The following SOBP variants were observed in gnomAD, a reference collection of about 807,000 sequenced individuals.
SOBP encodes the protein sine oculis-binding protein homolog.
Under a neutral mutation model 53.6 loss-of-function variants are expected in SOBP, and 4 were observed. The ratio of observed to expected loss-of-function variants is 0.07; its 90% CI spans 0.04 to 0.17. SOBP has a LOEUF of 0.17. Ranked by LOEUF, SOBP falls within the 10% of genes least tolerant of loss-of-function variation. The pLI is 1.00. For missense variants in SOBP, 1,088 were observed against 1,204.7 expected (o/e 0.90, Z 1.43); for synonymous variants, 584 against 522.6 (o/e 1.12, Z -1.60).
At chr6:107,612,604 G>A (rs1254871295) in intron 5 of SOBP, among the ~76,000 whole-genome samples, 1 of 152,104 alleles carries the variant, frequency 6.6e-6, no homozygotes, top group African/African-American at 2.4e-5. Context: ...TAATGTTGTA[G>A]TTATATATAT....
chr6:107,576,708 G>A (rs1394630903), intron 4 of SOBP, among the ~76,000 whole-genome samples: 1 of 152,210 alleles, frequency 6.6e-6, no homozygotes, highest in Non-Finnish European at 1.5e-5. Context: ...GAATGGCTTT[G>A]AAGCATCTGC....
At chr6:107,602,780 A>G (rs1242313548) in intron 5 of SOBP, among the ~76,000 whole-genome samples, 1 of 152,202 alleles carries the variant, frequency 6.6e-6, no homozygotes, top group Non-Finnish European at 1.5e-5. Flanking sequence ...GAGACATTCT[A>G]AATGCCTAAA....
At chr6:107,537,984 A>G (rs968410991) in intron 4 of SOBP, among the ~76,000 whole-genome samples, 1 of 152,220 alleles carries the variant, frequency 6.6e-6, no homozygotes, top group African/African-American at 2.4e-5. Flanking sequence ...AAATGATGCC[A>G]TTAAGATTTC....
chr6:107,520,400 T>C (rs957831485), intron 3 of SOBP, among the ~76,000 whole-genome samples: 1 of 152,196 alleles, frequency 6.6e-6, no homozygotes, highest in Non-Finnish European at 1.5e-5. Context: ...TTAAATGATC[T>C]TCTCAAGGTC....
intron 3 of SOBP, among the ~76,000 whole-genome samples, chr6:107,506,990 T>C (rs1464417458): frequency 6.6e-6 from 1 of 151,070 alleles, no homozygotes; most frequent in Non-Finnish European, 1.5e-5. Flanking sequence ...CACTTGAACC[T>C]GGGAGGCAGA....
At chr6:107,519,809 G>T (rs1470404882) in intron 3 of SOBP, among the ~76,000 whole-genome samples, 2 of 152,044 alleles carry the variant, frequency 1.3e-5, no homozygotes. Flanking sequence ...GGCTCTTTCT[G>T]CTCCCTAGGT....
At chr6:107,507,202 T>G (rs1284275687) in intron 3 of SOBP, among the ~76,000 whole-genome samples, 1 of 152,212 alleles carries the variant, frequency 6.6e-6, no homozygotes, top group Non-Finnish European at 1.5e-5. Context: ...CACGCTTTCC[T>G]CTAAATCCAT....
At position 107,634,122 on chromosome 6, in the gene SOBP, G is replaced by T; in HGVS notation, c.1278G>T (p.Leu426=). Residue 426 remains leucine, a synonymous_variant, in exon 6 of 7, where the codon CTG becomes CTT. Transcript: ENST00000317357. This position sits in a 1 kb window ranked among gnomAD's most constrained non-coding sequence, Gnocchi z 4.5. ...PHHASNPNSP[L]SNPMLPGIGP... is the part of the protein sequence containing the mutation. Reference sequence around the variant, plus strand: ...ATGCCTCCAACCCCAACAGCCCCCTGTCCAACCCCATGCTTCCCGGCATCG... The same window carrying T: ...ATGCCTCCAACCCCAACAGCCCCCTTTCCAACCCCATGCTTCCCGGCATCG... The T allele has an allele frequency of 6.2e-7, 1 of 1,608,482 alleles. No homozygotes were observed. The highest frequency in any genetic ancestry group is 8.5e-7 in the Non-Finnish European group (1 of 1,177,522).
intron 5 of SOBP, among the ~76,000 whole-genome samples, chr6:107,609,653 G>C (rs551151263): frequency 6.6e-6 from 1 of 152,166 alleles, no homozygotes; most frequent in South Asian, 2.1e-4. Context: ...GGTAGTAAGT[G>C]GTGTTGGCAG....
At chr6:107,639,192 C>T (rs531518794) in intron 6 of SOBP, among the ~76,000 whole-genome samples, 9 of 152,216 alleles carry the variant, frequency 5.9e-5, no homozygotes, top group African/African-American at 1.4e-4. Context: ...TGTGAGCCGC[C>T]GCTCCCAGTC....
intron 4 of SOBP, among the ~76,000 whole-genome samples, chr6:107,575,608 C>G (rs907400755): frequency 4.6e-5 from 7 of 152,064 alleles, no homozygotes; most frequent in African/African-American, 7.2e-5. Context: ...CAAGGCAGAA[C>G]CACATATTAT....
chr6:107,563,595 A>C (rs1464427259), intron 4 of SOBP, among the ~76,000 whole-genome samples: 1 of 152,120 alleles, frequency 6.6e-6, no homozygotes, highest in Non-Finnish European at 1.5e-5. Flanking sequence ...GGCTCATGTG[A>C]GGTAAAAGAA....
intron 5 of SOBP, among the ~76,000 whole-genome samples, chr6:107,608,341 G>T (rs1786467477): frequency 6.6e-6 from 1 of 152,064 alleles, no homozygotes. Flanking sequence ...AAAAATGGGG[G>T]GCTAGATATA....
chr6:107,503,818 T>G, intron 2 of SOBP, 23 bp downstream of exon 2: 1 of 1,613,132 alleles, frequency 6.2e-7, no homozygotes, highest in South Asian at 1.1e-5. Context: ...AATGTCCTTT[T>G]GTTCATGCAA....
intron 5 of SOBP, among the ~76,000 whole-genome samples, chr6:107,622,745 A>AG (rs1190834793): frequency 6.6e-6 from 1 of 152,208 alleles, no homozygotes; most frequent in Non-Finnish European, 1.5e-5. Flanking sequence ...GACACTCTTG[A>AG]GGGGGAAATG....
chr6:107,514,039 C>T (rs1783246930), intron 3 of SOBP: 1 of 152,592 alleles, frequency 6.6e-6, no homozygotes, highest in Admixed American at 6.5e-5. Context: ...ATATTTGAAC[C>T]TATACATTAT....
chr6:107,519,049 A>G (rs991330382), intron 3 of SOBP, among the ~76,000 whole-genome samples: 1 of 150,820 alleles, frequency 6.6e-6, no homozygotes, highest in Admixed American at 6.6e-5. Context: ...GGCATAAGGC[A>G]TAGATATACC....
intron 5 of SOBP, among the ~76,000 whole-genome samples, chr6:107,592,801 A>G (rs1785805814): frequency 6.6e-6 from 1 of 152,082 alleles, no homozygotes; most frequent in Non-Finnish European, 1.5e-5. Flanking sequence ...TTCCCCAGCC[A>G]TCTCCCAGAT....
intron 6 of SOBP, among the ~76,000 whole-genome samples, chr6:107,657,290 A>G (rs1287097099): frequency 6.6e-6 from 1 of 152,122 alleles, no homozygotes; most frequent in Non-Finnish European, 1.5e-5. Context: ...GAATGTTGGG[A>G]TGAGCATTCC....
Sources: gnomAD v4.1 joint callset for allele counts (sites outside exome capture counted in the v4.1 genomes callset) on GRCh38, gnomAD v4.1.1 for gene constraint, Gnocchi (gnomAD v3.1) non-coding constraint, MANE v1.5 for transcripts, NCBI Gene and HGNC (gene_info 2026-07-23, HGNC 2026-07-21) for gene names.